NBAS: variants seen among roughly 807,000 people sequenced by gnomAD.
NBAS encodes the protein NBAS subunit of NRZ tethering complex, also known as NAG/BC035112 fusion.
In NBAS, 219 loss-of-function variants were observed where a neutral mutation model predicts 302.5. The observed-to-expected ratio is 0.72, with a 90% CI of 0.65 to 0.81. The LOEUF (loss-of-function observed/expected upper bound fraction) is 0.81, where lower values mean the gene tolerates loss of function less well. Ranked by LOEUF, NBAS falls within the 30% of genes least tolerant of loss-of-function variation. NBAS has a pLI of 0.00. For synonymous variants in NBAS, 1,118 were observed against 1,021.6 expected (o/e 1.09, Z -1.80); for missense variants, 2,932 against 2,841.6 (o/e 1.03, Z -0.72).
chr2:15,107,130 A>G, the NBAS span, among the ~76,000 whole-genome samples: 7 of 152,090 alleles, frequency 4.6e-5, no homozygotes, highest in Non-Finnish European at 1.0e-4. Flanking sequence ...GTATTTGAAG[A>G]TAGGGTTCTT....
chr2:15,478,243 T>C lies in NBAS; in HGVS notation c.1130A>G (p.Lys377Arg). 1.2e-6 allele frequency: 2 copies of C among 1,609,530 alleles called. No individual in the cohort carries two copies. Among genetic ancestry groups the C allele is most frequent in the South Asian group, 2.2e-5 (2 of 90,956 alleles). The part of the protein sequence containing the change: ...LNPDWRLSTE[K>R]RKKIKDKESF... ...GAACTCACCTTTGATTTTTTTTCTC[T>C]TCTCAGTAGAGAGCCTCCAATCAGG... Residue 377 changes from lysine (K) to arginine (R), a missense_variant, in exon 13 of 52, where the codon AAG (lysine) becomes AGG (arginine). Transcript: ENST00000281513.
At chr2:15,162,205 C>A (rs539108199), downstream of NBAS, among the ~76,000 whole-genome samples, 22 of 152,334 alleles carry the variant, frequency 1.4e-4, no homozygotes, top group South Asian at 3.7e-3. Flanking sequence ...CCGCAACAGG[C>A]GCGTTGTTTG....
intron 38 of NBAS, among the ~76,000 whole-genome samples, chr2:15,317,916 C>T (rs868360405): frequency 1.8e-4 from 27 of 152,190 alleles, no homozygotes; most frequent in African/African-American, 6.0e-4. Flanking sequence ...AGAGATTCCT[C>T]GAGAAGAGCA....
At chr2:14,916,386 T>C in the NBAS span, among the ~76,000 whole-genome samples, 1 of 152,206 alleles carries the variant, frequency 6.6e-6, no homozygotes, top group Non-Finnish European at 1.5e-5. Context: ...ATTCTGTGAA[T>C]TTTTTAAGGC....
At chr2:15,051,894 C>T in the NBAS span, among the ~76,000 whole-genome samples, 3 of 152,086 alleles carry the variant, frequency 2.0e-5, no homozygotes, top group Non-Finnish European at 4.4e-5. Context: ...TCAACCCCTA[C>T]CTCTTTTTTT....
the NBAS span, among the ~76,000 whole-genome samples, chr2:14,859,764 C>T: frequency 1.3e-5 from 2 of 152,074 alleles, no homozygotes; most frequent in East Asian, 1.9e-4. Context: ...TGCTCCAGGA[C>T]ATTGGTCTGG....
At chr2:15,318,370 A>T (rs9711188) in intron 38 of NBAS, among the ~76,000 whole-genome samples, 35,431 of 152,106 alleles carry the variant, frequency 0.23, 4,523 homozygotes, top group Middle Eastern at 0.39. Context: ...AACATCATAA[A>T]GACAGGATCA....
intron 5 of NBAS, among the ~76,000 whole-genome samples, chr2:15,552,828 C>G (rs149828324): frequency 0.017 from 2,538 of 148,320 alleles, 33 homozygotes; most frequent in Non-Finnish European, 0.028. Context: ...GAGTCTCGCT[C>G]TGTCGCCAGG....
chr2:15,278,342 T>C (rs547762570), intron 42 of NBAS, among the ~76,000 whole-genome samples: 4 of 152,314 alleles, frequency 2.6e-5, no homozygotes, highest in African/African-American at 9.6e-5. Flanking sequence ...TCTATAAATA[T>C]GTCCCCAGTC....
chr2:15,504,228 C>T lies in NBAS; in HGVS notation c.886-15G>A. On this transcript the variant is annotated splice_polypyrimidine_tract_variant and intron_variant, in intron 10 of 51. Coordinates refer to ENST00000281513, the MANE Select transcript of NBAS (RefSeq NM_015909.4). ...GTCTTCGGTACCTGCAAAATAAATG[C>T]ATCATATGAAGAAAGATTACTGAAA... 2 of 1,590,514 alleles carry T rather than the reference C, an allele frequency of 1.3e-6. No homozygotes were observed. The highest frequency in any genetic ancestry group is 1.7e-6 in the Non-Finnish European group (2 of 1,158,716).
the NBAS span, among the ~76,000 whole-genome samples, chr2:15,107,248 C>G: frequency 6.6e-6 from 1 of 152,086 alleles, no homozygotes; most frequent in Admixed American, 6.6e-5. Flanking sequence ...TCTCCACAGG[C>G]ATGCACCAGA....
At chr2:15,008,888 A>G in the NBAS span, among the ~76,000 whole-genome samples, 2 of 152,174 alleles carry the variant, frequency 1.3e-5, no homozygotes, top group African/African-American at 4.8e-5. Flanking sequence ...TACCTCATTT[A>G]TTGGTCCCTT....
chr2:15,080,690 C>G, the NBAS span, among the ~76,000 whole-genome samples: 9 of 152,210 alleles, frequency 5.9e-5, no homozygotes, highest in Admixed American at 1.3e-4. Context: ...GACAGCTTCA[C>G]TCCCATGTCT....
Position 15,396,475 on chromosome 2 carries a change from A to C in NBAS, c.3072T>G (p.Gly1024=). Residue 1024 remains glycine (G), a splice_region_variant and synonymous_variant, in exon 27 of 52, where the codon GGT becomes GGG. Transcript: ENST00000281513. ...GCTTTGTGGTTGCCTCTGTCTTATC[A>C]CTAATAAATTAAAAGAAGAAAAAAA... ...LLECLPERGY[G]DKTEATTKLH... 6.3e-7 allele frequency: 1 copy of C among 1,575,808 alleles called. No homozygotes were observed. The highest frequency in any genetic ancestry group is 1.2e-5 in the South Asian group (1 of 82,214).
At chr2:15,424,865 T>A (rs1365315533) in intron 22 of NBAS, among the ~76,000 whole-genome samples, 1 of 152,132 alleles carries the variant, frequency 6.6e-6, no homozygotes, top group African/African-American at 2.4e-5. Flanking sequence ...TAGGAAAATA[T>A]CCCCAGTGAT....
At chr2:15,384,533 C>T (rs1485180279) in intron 28 of NBAS, among the ~76,000 whole-genome samples, 3 of 150,884 alleles carry the variant, frequency 2.0e-5, no homozygotes, top group African/African-American at 7.3e-5. Flanking sequence ...GACCCCCCCC[C>T]CATTTTTCTG....
intron 48 of NBAS, among the ~76,000 whole-genome samples, chr2:15,193,742 G>C (rs898359459): frequency 2.0e-5 from 3 of 151,996 alleles, no homozygotes; most frequent in African/African-American, 7.2e-5. Context: ...TCCAAGATTT[G>C]TGTCCACAAA....
At chr2:15,308,187 A>G (rs1318102) in intron 40 of NBAS, 29 bp downstream of exon 40, 26 of 1,613,636 alleles carry the variant, frequency 1.6e-5, no homozygotes, top group Non-Finnish European at 2.1e-5. Flanking sequence ...ACTCTGCTCA[A>G]TAATAAGCTG....
chr2:14,785,134 G>C, the NBAS span, among the ~76,000 whole-genome samples: 1 of 152,136 alleles, frequency 6.6e-6, no homozygotes, highest in African/African-American at 2.4e-5. Flanking sequence ...TGTTATTGGT[G>C]TATAAGAATG....
Sources: gnomAD v4.1 joint callset for allele counts (sites outside exome capture counted in the v4.1 genomes callset) on GRCh38, gnomAD v4.1.1 for gene constraint, MANE v1.5 for transcripts, NCBI Gene and HGNC (gene_info 2026-07-23, HGNC 2026-07-21) for gene names.